The following DCDC1 variants were observed in gnomAD, a reference collection of about 807,000 sequenced individuals.
The protein encoded by DCDC1 is doublecortin domain-containing protein 1.
In DCDC1, 200 loss-of-function variants were observed where a neutral mutation model predicts 178.3. That is an observed-to-expected ratio of 1.12 (90% CI 1.00 to 1.26). DCDC1 has a LOEUF of 1.26. Among genes scored for constraint, DCDC1 ranks in the 50% most tolerant of loss-of-function variants. The pLI is 0.00. For synonymous variants in DCDC1, 690 were observed against 604.8 expected (o/e 1.14, Z -2.07); for missense variants, 1,983 against 1,749.2 (o/e 1.13, Z -2.38).
In DCDC1 at chr11:31,224,874, G is replaced by A. The variant is rs1974724018; in HGVS notation, c.1221+16576C>T. Among the ~76,000 whole-genome samples the A allele has an allele frequency of 3.9e-5, 6 of 152,076 alleles. No individual in the cohort carries two copies. The South Asian group carries it at 1.2e-3, about 31-fold the overall frequency. On this transcript the variant is annotated intron_variant, in intron 9 of 38. Transcript: ENST00000684477. ...TCAAAAAATAATAGATGTTAGCATG[G>A]ATGTGGCAAAAAGAGATGTACCACT...
At chr11:31,069,412 T>C (rs1041815932) in intron 18 of DCDC1, among the ~76,000 whole-genome samples, 4 of 152,176 alleles carry the variant, frequency 2.6e-5, no homozygotes, top group African/African-American at 9.7e-5. Flanking sequence ...CTTATTGTCT[T>C]AGGTACATTC....
rs72886065 is a variant in DCDC1, at chr11:31,207,834, T to C, written c.1221+33616A>G. Among the ~76,000 whole-genome samples the C allele has an allele frequency of 5.4e-3, 822 of 152,310 alleles. 4 individuals carry two copies. The highest frequency in any genetic ancestry group is 0.01 in the Non-Finnish European group (698 of 68,026). Reference sequence around the variant, plus strand: ...TTCATCCTCACCACACCGTCCAAAGTGTTCTTGGCAAGGTCACTAAAAACC... The same window carrying C: ...TTCATCCTCACCACACCGTCCAAAGCGTTCTTGGCAAGGTCACTAAAAACC... On this transcript the variant is annotated intron_variant, in intron 9 of 38. Coordinates refer to ENST00000684477, the MANE Select transcript of DCDC1 (RefSeq NM_001387274.1).
intron 10 of DCDC1, among the ~76,000 whole-genome samples, chr11:31,129,329 A>G (rs1962107767): frequency 6.6e-6 from 1 of 152,102 alleles, no homozygotes; most frequent in South Asian, 2.1e-4. Context: ...TTCTTTTCCC[A>G]TATCCCTCTT....
chr11:30,877,453 G>A (rs1352706296), intron 38 of DCDC1, among the ~76,000 whole-genome samples: 2 of 152,140 alleles, frequency 1.3e-5, no homozygotes, highest in African/African-American at 4.8e-5. Context: ...TCTTCTTCTT[G>A]TAAATTCTTC....
At chr11:31,273,705 G>C (rs570891757) in intron 7 of DCDC1, among the ~76,000 whole-genome samples, 1 of 152,186 alleles carries the variant, frequency 6.6e-6, no homozygotes, top group East Asian at 1.9e-4. Context: ...ATCTACAGCA[G>C]CACCCCACTC....
Position 31,110,296 on chromosome 11 carries a change from C to G in DCDC1, c.1551G>C (p.Ser517=). The G allele has an allele frequency of 2.8e-6, 2 of 714,522 alleles. No individual in the cohort carries two copies. The highest frequency in any genetic ancestry group is 5.1e-6 in the Non-Finnish European group (2 of 389,264). 44.3% of individuals were successfully genotyped at this position (714,522 alleles called of 1,614,324 possible). ...TATGGTCAGTTTGAATTGGGCTATCCGATCCCAAATCTTTTTTACTGATAC... is the reference window on the plus strand; with the variant it reads ...TATGGTCAGTTTGAATTGGGCTATCGGATCCCAAATCTTTTTTACTGATAC... ...SVGISKKDLG[S]DSPIQTDHMM... The change falls in exon 12 of 39, where the codon TCG becomes TCC. Residue 517 remains serine (S), a synonymous_variant. Coordinates refer to ENST00000684477, the MANE Select transcript of DCDC1 (RefSeq NM_001387274.1).
chr11:31,324,266 C>G (rs1351284095), intron 3 of DCDC1, among the ~76,000 whole-genome samples: 1 of 151,228 alleles, frequency 6.6e-6, no homozygotes, highest in African/African-American at 2.4e-5. Flanking sequence ...TTCATAAAGA[C>G]ACATCTGAGC....
chr11:31,047,557 A>T (rs1162304609), intron 20 of DCDC1, among the ~76,000 whole-genome samples: 1 of 152,224 alleles, frequency 6.6e-6, no homozygotes, highest in African/African-American at 2.4e-5. Context: ...TCAAGAGTAG[A>T]CTATCACTTT....
chr11:31,177,949 G>T (rs957066393), intron 9 of DCDC1, among the ~76,000 whole-genome samples: 3 of 152,020 alleles, frequency 2.0e-5, no homozygotes, highest in African/African-American at 7.2e-5. Flanking sequence ...ACACTGCTAT[G>T]TAATCAACAC....
chr11:31,307,923 G>T lies in DCDC1; in HGVS notation c.165-15C>A, dbSNP rs371467899. 1.1e-5 allele frequency: 18 copies of T among 1,612,882 alleles called. No individual in the cohort carries two copies. The Admixed American group carries it at 2.2e-4, about 19-fold the overall frequency. ...ACATAAACTCTCTGGAAGAAACAAT[G>T]CATGGAAGAATACAATTAATTGATT... On this transcript the variant is annotated splice_polypyrimidine_tract_variant and intron_variant, in intron 3 of 38. Transcript: ENST00000684477.
chr11:31,331,164 G>A (rs1949962367), intron 2 of DCDC1, among the ~76,000 whole-genome samples: 1 of 152,156 alleles, frequency 6.6e-6, no homozygotes, highest in Non-Finnish European at 1.5e-5. Flanking sequence ...GTGAAGGGGA[G>A]TTCATTCATG....
At chr11:31,272,759 C>A (rs923894672) in intron 7 of DCDC1, among the ~76,000 whole-genome samples, 1 of 152,234 alleles carries the variant, frequency 6.6e-6, no homozygotes, top group African/African-American at 2.4e-5. Context: ...TGCGGCTTTG[C>A]AGGGCACAGC....
Position 30,920,797 on chromosome 11 carries a change from T to C in DCDC1, c.3272A>G (p.Glu1091Gly). The C allele has an allele frequency of 2.5e-6, 4 of 1,613,620 alleles. No homozygotes were observed. Among genetic ancestry groups the C allele is most frequent in the Middle Eastern group, 1.6e-4 (1 of 6,062 alleles). ...TTACAGAATTTCACTGGAAGCATTT[T>C]CCGTTGTTAGAGGATCTTCTTGCAT... ...KQMQEDPLTT[E>G]NASSEILDSH... is the part of the protein sequence containing the mutation. The change falls in exon 25 of 39, where the codon GAA becomes GGA. Residue 1091 changes from glutamate to glycine, a missense_variant. By Grantham distance (98) the Glu-to-Gly change is moderately conservative. Coordinates refer to ENST00000684477, the MANE Select transcript of DCDC1 (RefSeq NM_001387274.1).
chr11:31,145,313 T>C (rs931960463), intron 9 of DCDC1, among the ~76,000 whole-genome samples: 3 of 152,160 alleles, frequency 2.0e-5, no homozygotes, highest in African/African-American at 7.2e-5. Context: ...TTTGTCTGGA[T>C]GATGGAGTCC....
intron 18 of DCDC1, among the ~76,000 whole-genome samples, chr11:31,071,835 C>T (rs1565247153): frequency 6.6e-6 from 1 of 152,160 alleles, no homozygotes; most frequent in South Asian, 2.1e-4. Context: ...GGAACTAATG[C>T]CTCTGGGCTA....
chr11:30,989,526 A>G (rs1007660415), intron 20 of DCDC1, among the ~76,000 whole-genome samples: 1 of 152,158 alleles, frequency 6.6e-6, no homozygotes, highest in African/African-American at 2.4e-5. Context: ...TAACACACAG[A>G]AATGCAACCA....
At chr11:31,197,265 T>C (rs1488256959) in intron 9 of DCDC1, among the ~76,000 whole-genome samples, 2 of 152,152 alleles carry the variant, frequency 1.3e-5, no homozygotes, top group Non-Finnish European at 2.9e-5. Flanking sequence ...ATATACTTCC[T>C]TATTATCACA....
At chr11:31,047,838 T>A (rs189643492) in intron 20 of DCDC1, among the ~76,000 whole-genome samples, 6 of 152,320 alleles carry the variant, frequency 3.9e-5, no homozygotes, top group African/African-American at 1.4e-4. Context: ...AATTTAGCAG[T>A]GCACAACTTA....
At chr11:30,999,200 A>G (rs1357846031) in intron 20 of DCDC1, among the ~76,000 whole-genome samples, 1 of 152,182 alleles carries the variant, frequency 6.6e-6, no homozygotes, top group East Asian at 1.9e-4. Flanking sequence ...AAACCTGGGA[A>G]AAGAAAAGGT....
Sources: gnomAD v4.1 joint callset for allele counts (sites outside exome capture counted in the v4.1 genomes callset) on GRCh38, gnomAD v4.1.1 for gene constraint, MANE v1.5 for transcripts, NCBI Gene and HGNC (gene_info 2026-07-23, HGNC 2026-07-21) for gene names.